The following SCARA5 variants were observed in gnomAD, a reference collection of about 807,000 sequenced individuals.
SCARA5 encodes the protein scavenger receptor class A, member 5 (putative).
In SCARA5, 45 loss-of-function variants were observed where a neutral mutation model predicts 46.3. That is an observed-to-expected ratio of 0.97 (90% CI 0.76 to 1.24). The LOEUF is 1.24. SCARA5 is among the 50% of genes most tolerant of loss of function. The probability of loss-of-function intolerance (pLI) is 0.00; values close to 1 mark genes in which losing one functional copy is unlikely to be tolerated. For synonymous variants in SCARA5, 333 were observed against 306.5 expected, an observed-to-expected ratio of 1.09 and a Z score of -0.90; for missense variants, 680 against 689.0, an observed-to-expected ratio of 0.99 and a Z score of 0.15.
chr8:27,933,074 A>C (rs1313771443), intron 3 of SCARA5, among the ~76,000 whole-genome samples: 2 of 152,214 alleles, frequency 1.3e-5, no homozygotes, highest in South Asian at 4.1e-4. Context: ...TGTGAATTTT[A>C]GTGGGATACA....
At chr8:27,915,931 C>T (rs1807454304) in intron 4 of SCARA5, among the ~76,000 whole-genome samples, 1 of 151,700 alleles carries the variant, frequency 6.6e-6, no homozygotes, top group Non-Finnish European at 1.5e-5. Flanking sequence ...GGGCTGCCTC[C>T]CCTCTCTGGT....
chr8:27,900,910 G>A (rs1343595685), intron 7 of SCARA5, among the ~76,000 whole-genome samples: 1 of 150,944 alleles, frequency 6.6e-6, no homozygotes, highest in East Asian at 2.0e-4. Flanking sequence ...GGGACATCTG[G>A]ATTCTAGACC....
intron 7 of SCARA5, among the ~76,000 whole-genome samples, chr8:27,886,533 A>G (rs35437809): frequency 0.23 from 34,945 of 152,062 alleles, 4,669 homozygotes; most frequent in Middle Eastern, 0.39. Flanking sequence ...AAATTCAGAA[A>G]CTTGTGTCTC....
chr8:27,882,800 C>T lies in SCARA5; in HGVS notation c.1154-3034G>A, dbSNP rs571911561. The stretch of plus-strand genomic sequence containing the variant: ...AAATTATATCAAGTGCCAGGTGCTT[C>T]CTGATTTCACAGACATATAAATGTG... On this transcript the variant is annotated intron_variant, in intron 7 of 8. Coordinates refer to ENST00000354914, the MANE Select transcript of SCARA5 (RefSeq NM_173833.6). Among the ~76,000 whole-genome samples, 28 of 152,274 alleles carry T rather than the reference C, an allele frequency of 1.8e-4. No individual in the cohort carries two copies. The South Asian group carries it at 5.6e-3, about 30-fold the overall frequency.
At chr8:27,932,100 C>T (rs1807783586) in intron 3 of SCARA5, among the ~76,000 whole-genome samples, 1 of 152,138 alleles carries the variant, frequency 6.6e-6, no homozygotes, top group African/African-American at 2.4e-5. Context: ...CTACCTCAGA[C>T]TGCTTAGTAG....
intron 3 of SCARA5, among the ~76,000 whole-genome samples, chr8:27,924,927 C>T (rs1309758887): frequency 6.6e-6 from 1 of 152,156 alleles, no homozygotes; most frequent in Non-Finnish European, 1.5e-5. Context: ...ATCCAACTTA[C>T]AAGGGATGTG....
chr8:27,965,693 A>G (rs1003566997), intron 3 of SCARA5, among the ~76,000 whole-genome samples: 2 of 152,198 alleles, frequency 1.3e-5, no homozygotes, highest in Non-Finnish European at 1.5e-5. Context: ...GTCCAGTCCT[A>G]CCTACCTCCA....
chr8:27,975,437 C>T (rs1808507764), intron 2 of SCARA5, among the ~76,000 whole-genome samples: 1 of 152,156 alleles, frequency 6.6e-6, no homozygotes, highest in Non-Finnish European at 1.5e-5. Flanking sequence ...CTGGGAACCC[C>T]GATTTATAGC....
At chr8:27,875,113 T>C (rs899524414) in intron 8 of SCARA5, among the ~76,000 whole-genome samples, 1 of 152,036 alleles carries the variant, frequency 6.6e-6, no homozygotes, top group African/African-American at 2.4e-5. Context: ...CTGGAATTCC[T>C]TCCTTCCTTC....
intron 3 of SCARA5, among the ~76,000 whole-genome samples, chr8:27,926,678 A>G (rs549221326): frequency 6.9e-4 from 105 of 152,268 alleles, no homozygotes; most frequent in African/African-American, 2.3e-3. Context: ...ACTATTTCCT[A>G]TGGGATTTAT....
At chr8:27,909,913 C>G (rs934642619) in intron 4 of SCARA5, among the ~76,000 whole-genome samples, 170 bp from the exon 5 acceptor site, 2 of 151,890 alleles carry the variant, frequency 1.3e-5, no homozygotes, top group Non-Finnish European at 2.9e-5. Flanking sequence ...GGAAAGTCTT[C>G]CTGGAAGAAG....
Position 27,921,727 on chromosome 8 carries a change from T to C in SCARA5, c.760A>G (p.Asn254Asp), listed in dbSNP as rs546632814. Reference sequence around the variant, plus strand: ...AGGCGGCGCGTGTCCTCGCTGGCGTTGCTCACCAGCACCCGCAGGTCCTGC... The same window carrying C: ...AGGCGGCGCGTGTCCTCGCTGGCGTCGCTCACCAGCACCCGCAGGTCCTGC... ...RLQDLRVLVS[N>D]ASEDTRRLRL... Residue 254 changes from asparagine to aspartate, a missense_variant, in exon 4 of 9, where the codon AAC becomes GAC. This residue lies in a region of SCARA5 where 438 missense variants were observed against 384.5 expected (regional missense o/e 1.14). Transcript: ENST00000354914. 11 of 1,593,166 alleles carry C rather than the reference T, an allele frequency of 6.9e-6. No homozygotes were observed. In the South Asian group the frequency reaches 1.3e-4, roughly 18 times the overall value.
At chr8:27,916,957 A>G (rs1250531726) in intron 4 of SCARA5, among the ~76,000 whole-genome samples, 1 of 152,156 alleles carries the variant, frequency 6.6e-6, no homozygotes, top group Non-Finnish European at 1.5e-5. Flanking sequence ...TGGGATCAGC[A>G]TCCTTACAAA....
chr8:27,984,351 C>T (rs1585528588), intron 2 of SCARA5, among the ~76,000 whole-genome samples: 1 of 152,362 alleles, frequency 6.6e-6, no homozygotes, highest in East Asian at 1.9e-4. Context: ...CTGGGTTCCC[C>T]ATATTCCAGC....
intron 7 of SCARA5, among the ~76,000 whole-genome samples, chr8:27,885,854 A>G (rs1320211588): frequency 6.6e-6 from 1 of 152,264 alleles, no homozygotes; most frequent in African/African-American, 2.4e-5. Flanking sequence ...GGATGCTGAA[A>G]TACTGAAATT....
intron 8 of SCARA5, among the ~76,000 whole-genome samples, chr8:27,878,972 T>C (rs538722933): frequency 6.6e-6 from 1 of 152,196 alleles, no homozygotes; most frequent in South Asian, 2.1e-4. Context: ...TAGGCCCAGC[T>C]AGTCAGGAGG....
Position 27,921,644 on chromosome 8 carries a change from G to A in SCARA5, c.843C>T (p.Asn281=), listed in dbSNP as rs762285489. The change falls in exon 4 of 9, where the codon AAC becomes AAT. Residue 281 remains asparagine (N), a synonymous_variant. Transcript: ENST00000354914. ...LQLKQELAML[N]AVTEDLRLKD... Reference sequence around the variant, plus strand: ...TGAGGCGCAGGTCCTCGGTGACCGCGTTGAGCATGGCCAGCTCCTGCTTCA... The same window carrying A: ...TGAGGCGCAGGTCCTCGGTGACCGCATTGAGCATGGCCAGCTCCTGCTTCA... 7.5e-6 allele frequency: 12 copies of A among 1,606,388 alleles called. No individual in the cohort carries two copies. In the Admixed American group the frequency reaches 8.4e-5, roughly 11 times the overall value.
chr8:27,924,426 C>T (rs901956730), intron 3 of SCARA5, among the ~76,000 whole-genome samples: 4 of 152,204 alleles, frequency 2.6e-5, no homozygotes, highest in Non-Finnish European at 5.9e-5. Context: ...TGGAAGCACA[C>T]GGCATTTGTG....
At chr8:27,934,124 C>A (rs115307506) in intron 3 of SCARA5, among the ~76,000 whole-genome samples, 26 of 152,160 alleles carry the variant, frequency 1.7e-4, no homozygotes, top group African/African-American at 6.0e-4. Flanking sequence ...AACCAAATTT[C>A]GGTCCAGTTT....
Sources: gnomAD v4.1 joint callset for allele counts (sites outside exome capture counted in the v4.1 genomes callset) on GRCh38, gnomAD v4.1.1 for gene constraint, gnomAD v4.1.1 regional missense constraint, MANE v1.5 for transcripts, NCBI Gene and HGNC (gene_info 2026-07-23, HGNC 2026-07-21) for gene names.